The following L2HGDH variants were observed in gnomAD, a reference collection of about 807,000 sequenced individuals.
The protein encoded by L2HGDH is L-2-hydroxyglutarate dehydrogenase, also known as L-2-hydroxyglutarate dehydrogenase, mitochondrial.
A neutral mutation model predicts 51.5 loss-of-function variants in L2HGDH; 34 were observed. That is an observed-to-expected ratio of 0.66 (90% CI 0.50 to 0.88). L2HGDH has a LOEUF of 0.88. Among genes scored for constraint, L2HGDH ranks in the 40% least tolerant of loss-of-function variants. The pLI is 0.00. For missense variants in L2HGDH, 558 were observed against 571.9 expected (o/e 0.98, Z 0.25); for synonymous variants, 198 against 197.9 (o/e 1.00, Z -0.01).
At chr14:50,291,024 C>G (rs1404325081) in intron 4 of L2HGDH, among the ~76,000 whole-genome samples, 1 of 151,314 alleles carries the variant, frequency 6.6e-6, no homozygotes, top group Admixed American at 6.6e-5. Flanking sequence ...ATGGTGAAAC[C>G]CTGTTTCTAC....
At chr14:50,253,266 T>G (rs950204185) in intron 9 of L2HGDH, among the ~76,000 whole-genome samples, 5 of 151,868 alleles carry the variant, frequency 3.3e-5, no homozygotes, top group Non-Finnish European at 7.4e-5. Flanking sequence ...TGGGAGAAAA[T>G]ATATGCAAAC....
At chr14:50,284,068 G>T (rs773793260) in intron 4 of L2HGDH, 35 bp from the exon 5 acceptor site, 2 of 1,580,942 alleles carry the variant, frequency 1.3e-6, no homozygotes, top group South Asian at 1.1e-5. Context: ...ACAGATAAGA[G>T]AAATAATACT....
At chr14:50,296,557 C>A (rs2030068254) in intron 3 of L2HGDH, among the ~76,000 whole-genome samples, 2 of 146,856 alleles carry the variant, frequency 1.4e-5, no homozygotes, top group East Asian at 2.0e-4. Flanking sequence ...ACTTAATAAA[C>A]CTATAACACA....
In L2HGDH at chr14:50,243,929, G is replaced by A. The variant is rs1206396836; in HGVS notation, c.*3129C>T. The A allele has an allele frequency of 1.0e-3, 147 of 145,408 alleles. 1 individual carries two copies. The highest frequency in any genetic ancestry group is 3.4e-3 in the African/African-American group (136 of 39,432). 9.0% of individuals were successfully genotyped at this position (145,408 alleles called of 1,614,324 possible). Reference sequence around the variant, plus strand: ...TTCCCATCTATGAGTGAGAACATGCGGTGTTTGGTTTTTTGTTCTTGCGAT... The same window carrying A: ...TTCCCATCTATGAGTGAGAACATGCAGTGTTTGGTTTTTTGTTCTTGCGAT... On this transcript the variant is annotated 3_prime_UTR_variant, in exon 10 of 10. Transcript: ENST00000267436.
chr14:50,301,623 C>A (rs2030411414), intron 3 of L2HGDH, among the ~76,000 whole-genome samples: 2 of 152,128 alleles, frequency 1.3e-5, no homozygotes, highest in South Asian at 2.1e-4. Flanking sequence ...ACAGGCAAAT[C>A]CACAAAGACA....
chr14:50,247,392 A>G (rs1214198908), intron 9 of L2HGDH, 139 bp from the exon 10 acceptor site: 1 of 1,371,480 alleles, frequency 7.3e-7, no homozygotes, highest in African/African-American at 1.5e-5. Flanking sequence ...TTTATGTTTA[A>G]CCAAAGGCTG....
intron 6 of L2HGDH, among the ~76,000 whole-genome samples, chr14:50,270,065 T>C (rs1414137148): frequency 1.3e-5 from 2 of 152,194 alleles, no homozygotes; most frequent in African/African-American, 2.4e-5. Flanking sequence ...AACTGTAACC[T>C]ACCCACCAAG....
intron 3 of L2HGDH, among the ~76,000 whole-genome samples, chr14:50,296,538 A>T (rs2030067513): frequency 6.6e-6 from 1 of 151,296 alleles, no homozygotes; most frequent in Non-Finnish European, 1.5e-5. Flanking sequence ...AACGGATTTG[A>T]GAAGAAAAAC....
At chr14:50,259,505 C>T (rs952662632) in intron 9 of L2HGDH, among the ~76,000 whole-genome samples, 10 of 151,340 alleles carry the variant, frequency 6.6e-5, no homozygotes, top group Admixed American at 6.6e-4. Context: ...CCACCCCGCC[C>T]GGCCTCAATG....
Position 50,247,120 on chromosome 14 carries a change from T to C in L2HGDH, c.1330A>G (p.Thr444Ala). Reference protein sequence around the residue: ...HVRNAPSPAATSSIAISGMIA... With the variant: ...HVRNAPSPAAASSIAISGMIA... ...ATTCCAGAAATTGCAATGGAAGAAG[T>C]AGCAGCAGGAGAAGGTGCATTTCTC... The change falls in exon 10 of 10, where the codon ACT becomes GCT. Residue 444 changes from threonine to alanine, a missense_variant. Thr to Ala is a moderately conservative substitution (Grantham distance 58). Coordinates refer to ENST00000267436, the MANE Select transcript of L2HGDH (RefSeq NM_024884.3). 6.2e-7 allele frequency: 1 copy of C among 1,614,040 alleles called. No homozygotes were observed.
In L2HGDH at chr14:50,243,860, G is replaced by A. The variant is rs1401400679; in HGVS notation, c.*3198C>T. 8.8e-6 allele frequency: 1 copy of A among 113,186 alleles called. No individual in the cohort carries two copies. The highest frequency in any genetic ancestry group is 1.7e-5 in the Non-Finnish European group (1 of 58,756). 7.0% of individuals were successfully genotyped at this position (113,186 alleles called of 1,614,324 possible). On this transcript the variant is annotated 3_prime_UTR_variant, in exon 10 of 10. Coordinates refer to ENST00000267436, the MANE Select transcript of L2HGDH (RefSeq NM_024884.3). ...CCCCCACCCCACAACAGTCCCCAGA[G>A]TGTGATGTTCCCCTTCCTGTGTCCA...
At chr14:50,294,513 TCTC>T (rs2029915563) in intron 3 of L2HGDH, among the ~76,000 whole-genome samples, 1 of 152,172 alleles carries the variant, frequency 6.6e-6, no homozygotes, top group Admixed American at 6.5e-5. Context: ...GTTATCATAG[TCTC>T]TATGTGCATC....
chr14:50,246,848 G>C lies in L2HGDH; in HGVS notation c.*210C>G. 1 of 745,970 alleles carries C rather than the reference G, an allele frequency of 1.3e-6. No individual in the cohort carries two copies. 46.2% of individuals were successfully genotyped at this position (745,970 alleles called of 1,614,324 possible). ...ATTGATTCTCCTGCCTCAGCCTCCTGAGTAGCTGAGATTACAGGCATGCGC... is the reference window on the plus strand; with the variant it reads ...ATTGATTCTCCTGCCTCAGCCTCCTCAGTAGCTGAGATTACAGGCATGCGC... On this transcript the variant is annotated 3_prime_UTR_variant, in exon 10 of 10. Coordinates refer to ENST00000267436, the MANE Select transcript of L2HGDH (RefSeq NM_024884.3).
In L2HGDH at chr14:50,247,047, C is replaced by A; in HGVS notation, c.*11G>T. The A allele has an allele frequency of 6.2e-7, 1 of 1,611,634 alleles. No homozygotes were observed. Among genetic ancestry groups the A allele is most frequent in the Non-Finnish European group, 8.5e-7 (1 of 1,178,594 alleles). On this transcript the variant is annotated 3_prime_UTR_variant, in exon 10 of 10. Coordinates refer to ENST00000267436, the MANE Select transcript of L2HGDH (RefSeq NM_024884.3). ...TGAAGATTACAGTGCATACCTAGCT[C>A]CTTTCATTATTTATAATTCAAATCT... is the stretch of plus-strand genomic sequence containing the variant.
At chr14:50,308,640 C>T (rs190148892) in intron 1 of L2HGDH, among the ~76,000 whole-genome samples, 1 of 152,334 alleles carries the variant, frequency 6.6e-6, no homozygotes, top group African/African-American at 2.4e-5. Context: ...AACTGGATTA[C>T]TCACACATAG....
chr14:50,309,517 A>T (rs2030924638), intron 1 of L2HGDH, among the ~76,000 whole-genome samples: 2 of 151,792 alleles, frequency 1.3e-5, no homozygotes, highest in Admixed American at 1.3e-4. Flanking sequence ...AGCCAAGATC[A>T]TGCCACTGTA....
At position 50,309,950 on chromosome 14, in the gene L2HGDH, C is replaced by A. The variant is rs2030982707; in HGVS notation, c.140+2061G>T. Among the ~76,000 whole-genome samples, 4 of 152,174 alleles carry A rather than the reference C, an allele frequency of 2.6e-5. 1 individual carries two copies. In the South Asian group the frequency reaches 8.3e-4, roughly 32 times the overall value. Reference sequence around the variant, plus strand: ...GCTCAACCTATCCTCCCACCTCGGCCTCCCAAAGTGCTGAGATTATAGGCA... The same window carrying A: ...GCTCAACCTATCCTCCCACCTCGGCATCCCAAAGTGCTGAGATTATAGGCA... On this transcript the variant is annotated intron_variant, in intron 1 of 9. Transcript: ENST00000267436.
At chr14:50,301,190 A>G (rs2030388971) in intron 3 of L2HGDH, among the ~76,000 whole-genome samples, 2 of 152,240 alleles carry the variant, frequency 1.3e-5, no homozygotes, top group Admixed American at 6.5e-5. Context: ...TGGCAAGGAC[A>G]TGGAAAATTG....
rs750460857 is a variant in L2HGDH at position 50,293,312 on chromosome 14, CCTAA to C, written c.540+799_540+802del. 5.8e-5 allele frequency: 41 copies of C among 701,530 alleles called. No homozygotes were observed. The Admixed American group carries it at 6.0e-4, about 10-fold the overall frequency. 43.5% of individuals were successfully genotyped at this position (701,530 alleles called of 1,614,324 possible). A position where few individuals can be genotyped will look rare whatever the true frequency, so the allele number is the denominator to read the frequency against. ...TTTGGGGAAAAAATACACCTTGACC[CCTAA>C]CTTATACCATATATAAAAATCAATT... On this transcript the variant is annotated intron_variant, in intron 4 of 9. Transcript: ENST00000267436.
Sources: allele counts gnomAD v4.1 joint callset (sites outside exome capture counted in the v4.1 genomes callset), GRCh38; gene constraint gnomAD v4.1.1; transcripts MANE v1.5; gene names NCBI Gene and HGNC (gene_info 2026-07-23, HGNC 2026-07-21).